CDH18: variants seen among roughly 807,000 people sequenced by gnomAD.
CDH18 encodes the protein cadherin 18.
A neutral mutation model predicts 67.9 loss-of-function variants in CDH18; 31 were observed. That is an observed-to-expected ratio of 0.46 (90% CI 0.34 to 0.62). The LOEUF (loss-of-function observed/expected upper bound fraction) is 0.62. CDH18 is among the 20% of genes least tolerant of loss of function. CDH18 has a pLI of 0.01. For missense variants in CDH18, 890 were observed against 975.5 expected (o/e 0.91, Z 1.17); for synonymous variants, 362 against 347.2 (o/e 1.04, Z -0.48).
chr5:19,517,934 T>C (rs965659085), intron 10 of CDH18, among the ~76,000 whole-genome samples: 11 of 152,124 alleles, frequency 7.2e-5, no homozygotes, highest in South Asian at 4.1e-4. Context: ...GCTGCTGTTA[T>C]TACCAGTAAT....
chr5:20,255,231 T>C (rs1459057508), intron 2 of CDH18, among the ~76,000 whole-genome samples: 1 of 152,106 alleles, frequency 6.6e-6, no homozygotes, highest in Non-Finnish European at 1.5e-5. Flanking sequence ...TGTACCCCCA[T>C]ATATAAACAA....
intron 3 of CDH18, among the ~76,000 whole-genome samples, chr5:19,781,254 A>T (rs1172697496): frequency 6.6e-6 from 1 of 152,168 alleles, no homozygotes; most frequent in Non-Finnish European, 1.5e-5. Flanking sequence ...ATCATCAAAG[A>T]TGAATGCAAT....
chr5:19,718,673 T>G (rs1262490434), intron 5 of CDH18, among the ~76,000 whole-genome samples: 4 of 151,952 alleles, frequency 2.6e-5, no homozygotes, highest in Non-Finnish European at 4.4e-5. Context: ...ACACTTTTGT[T>G]CCTTAATGAC....
chr5:19,612,028 G>A lies in CDH18; in HGVS notation c.811+406C>T, dbSNP rs1475728792. Among the ~76,000 whole-genome samples the A allele has an allele frequency of 5.4e-5, 8 of 149,030 alleles. No homozygotes were observed. The South Asian group carries it at 6.5e-4, about 12-fold the overall frequency. On this transcript the variant is annotated intron_variant, in intron 6 of 12. Coordinates refer to ENST00000382275, the MANE Select transcript of CDH18 (RefSeq NM_004934.5). Reference sequence around the variant, plus strand: ...TGTATACAGCATTTATTCATAACATGAAGAATTTTTTTAAAAAATTCAGTC... The same window carrying A: ...TGTATACAGCATTTATTCATAACATAAAGAATTTTTTTAAAAAATTCAGTC...
chr5:20,526,253 A>T (rs928080617), intron 1 of CDH18, among the ~76,000 whole-genome samples: 13 of 152,096 alleles, frequency 8.5e-5, no homozygotes, highest in Non-Finnish European at 1.8e-4. Context: ...TTGCAGACAG[A>T]ACTCTCATTT....
At chr5:19,992,441 G>A (rs1800037557), upstream of CDH18, among the ~76,000 whole-genome samples, 1 of 148,524 alleles carries the variant, frequency 6.7e-6, no homozygotes, top group African/African-American at 2.5e-5. Context: ...TAAAGTATAT[G>A]CCAGACTTAA....
At chr5:20,218,032 T>A (rs1740915388) in intron 2 of CDH18, among the ~76,000 whole-genome samples, 1 of 151,866 alleles carries the variant, frequency 6.6e-6, no homozygotes, top group Non-Finnish European at 1.5e-5. Flanking sequence ...AAGCAAATAT[T>A]GTTAAAGAGA....
Position 19,827,327 on chromosome 5 carries a change from C to CAA in CDH18, c.228+11430_228+11431dup, listed in dbSNP as rs70954605. ...GACAATATCGGACAAGTTATCAAGG[C>CAA]AAAAAAAAAAAAAAAACTTAAAATA... On this transcript the variant is annotated intron_variant, in intron 3 of 12. Coordinates refer to ENST00000382275, the MANE Select transcript of CDH18 (RefSeq NM_004934.5). Among the ~76,000 whole-genome samples, 281 of 124,988 alleles carry CAA rather than the reference C, an allele frequency of 2.2e-3. 1 individual carries two copies. The highest frequency in any genetic ancestry group is 6.7e-3 in the African/African-American group (234 of 34,814). The allele number at this position is 124,988 out of a possible 152,430, so 82.0% of individuals were successfully genotyped here.
chr5:20,464,006 G>C (rs934114106), intron 1 of CDH18, among the ~76,000 whole-genome samples: 6 of 152,074 alleles, frequency 3.9e-5, no homozygotes, highest in Non-Finnish European at 5.9e-5. Flanking sequence ...CAAAAACCAT[G>C]CCTTTATCTC....
intron 1 of CDH18, among the ~76,000 whole-genome samples, chr5:20,422,337 T>G (rs1747930945): frequency 6.6e-6 from 1 of 151,088 alleles, no homozygotes; most frequent in Non-Finnish European, 1.5e-5. Flanking sequence ...GTATTATATG[T>G]GATAAGATAC....
chr5:19,820,856 T>C (rs1779798224), intron 3 of CDH18, among the ~76,000 whole-genome samples: 1 of 152,048 alleles, frequency 6.6e-6, no homozygotes, highest in South Asian at 2.1e-4. Flanking sequence ...CCTTGGACTC[T>C]AAAAGCACAA....
At chr5:20,185,555 G>T (rs879806022) in intron 2 of CDH18, among the ~76,000 whole-genome samples, 2 of 151,802 alleles carry the variant, frequency 1.3e-5, no homozygotes, top group Non-Finnish European at 2.9e-5. Context: ...CACCTCACTG[G>T]ACCCCCTACT....
At chr5:20,054,784 CA>C (rs1314790053) in intron 2 of CDH18, among the ~76,000 whole-genome samples, 1 of 152,156 alleles carries the variant, frequency 6.6e-6, no homozygotes, top group Non-Finnish European at 1.5e-5. Flanking sequence ...CCCCATTCTA[CA>C]AAAGTATGGC....
chr5:19,619,529 G>A (rs924923272), intron 5 of CDH18, among the ~76,000 whole-genome samples: 12 of 152,176 alleles, frequency 7.9e-5, no homozygotes, highest in Non-Finnish European at 1.6e-4. Flanking sequence ...TCTGGAATAT[G>A]CATGGCAATA....
At chr5:20,416,641 C>T (rs564487881) in intron 1 of CDH18, among the ~76,000 whole-genome samples, 104 of 151,902 alleles carry the variant, frequency 6.8e-4, no homozygotes, top group African/African-American at 2.3e-3. Flanking sequence ...TTAAATTATG[C>T]GCAAAAGGCT....
chr5:20,560,937 T>TA (rs988173097), intron 1 of CDH18, among the ~76,000 whole-genome samples: 10 of 151,484 alleles, frequency 6.6e-5, no homozygotes, highest in South Asian at 2.1e-4. Context: ...ATTAACAAAC[T>TA]AAAAAAAATC....
intron 3 of CDH18, among the ~76,000 whole-genome samples, chr5:19,822,553 A>T (rs935704618): frequency 2.6e-5 from 4 of 152,194 alleles, no homozygotes; most frequent in Admixed American, 6.5e-5. Flanking sequence ...CGGGGCAGAC[A>T]TCACATGTCA....
intron 3 of CDH18, among the ~76,000 whole-genome samples, chr5:19,778,752 A>T (rs1424105859): frequency 6.6e-6 from 1 of 152,186 alleles, no homozygotes; most frequent in Non-Finnish European, 1.5e-5. Flanking sequence ...ATAATAAAAA[A>T]AAATTTAAGG....
chr5:20,309,972 A>G (rs1736845107), intron 1 of CDH18, among the ~76,000 whole-genome samples: 1 of 150,754 alleles, frequency 6.6e-6, no homozygotes, highest in Admixed American at 6.6e-5. Context: ...CCCTTTATTA[A>G]ACACATAAAA....
Sources: allele counts gnomAD v4.1 joint callset (sites outside exome capture counted in the v4.1 genomes callset), GRCh38; gene constraint gnomAD v4.1.1; transcripts MANE v1.5; gene names NCBI Gene and HGNC (gene_info 2026-07-23, HGNC 2026-07-21).